The following CLSTN2 variants were observed in gnomAD, a reference collection of about 807,000 sequenced individuals.
The protein encoded by CLSTN2 is calsyntenin-2.
Under a neutral mutation model 101.2 loss-of-function variants are expected in CLSTN2, and 48 were observed. The ratio of observed to expected loss-of-function variants is 0.47; its 90% confidence interval spans 0.38 to 0.60. The LOEUF (loss-of-function observed/expected upper bound fraction) is 0.60. CLSTN2 is among the 20% of genes least tolerant of loss of function. CLSTN2 has a pLI of 0.00. For synonymous variants in CLSTN2, 481 were observed against 463.6 expected, an observed-to-expected ratio of 1.04 and a Z score of -0.48; for missense variants, 1,160 against 1,238.2, an observed-to-expected ratio of 0.94 and a Z score of 0.95.
chr3:140,088,024 G>A (rs892258499), intron 1 of CLSTN2, among the ~76,000 whole-genome samples: 2 of 152,136 alleles, frequency 1.3e-5, no homozygotes, highest in African/African-American at 4.8e-5. Flanking sequence ...ATCTCTGGGG[G>A]CTCAACAGGA....
At chr3:140,140,778 C>T (rs1426932893) in intron 1 of CLSTN2, among the ~76,000 whole-genome samples, 2 of 152,206 alleles carry the variant, frequency 1.3e-5, no homozygotes, top group East Asian at 1.9e-4. Context: ...CAGGATTGAA[C>T]TCAGGACTGC....
intron 1 of CLSTN2, among the ~76,000 whole-genome samples, chr3:140,139,774 C>A (rs1046640583): frequency 6.6e-6 from 1 of 152,210 alleles, no homozygotes; most frequent in Non-Finnish European, 1.5e-5. Context: ...TCTTATTGGA[C>A]TAGATTGAAT....
At chr3:140,411,961 G>GT (rs2088369593) in intron 4 of CLSTN2, among the ~76,000 whole-genome samples, 1 of 152,176 alleles carries the variant, frequency 6.6e-6, no homozygotes. Flanking sequence ...ATGGGCCTAT[G>GT]TTTTTACTGA....
intron 1 of CLSTN2, among the ~76,000 whole-genome samples, chr3:140,006,150 A>G (rs557011308): frequency 2.6e-5 from 4 of 152,220 alleles, no homozygotes; most frequent in South Asian, 4.1e-4. Context: ...TGGAGTTTCC[A>G]TGGGTCCCAC....
intron 1 of CLSTN2, among the ~76,000 whole-genome samples, chr3:140,152,733 C>G (rs2009887034): frequency 6.6e-6 from 1 of 152,168 alleles, no homozygotes; most frequent in Admixed American, 6.5e-5. Flanking sequence ...ACCCCTATCT[C>G]AGGATTAAGT....
intron 1 of CLSTN2, among the ~76,000 whole-genome samples, chr3:139,957,869 G>C (rs1187380364): frequency 6.6e-6 from 1 of 151,886 alleles, no homozygotes; most frequent in Non-Finnish European, 1.5e-5. Flanking sequence ...GGCTGGGCTA[G>C]TGCAGGAAAC....
At chr3:139,973,708 G>T (rs965804375) in intron 1 of CLSTN2, among the ~76,000 whole-genome samples, 1 of 152,028 alleles carries the variant, frequency 6.6e-6, no homozygotes, top group East Asian at 1.9e-4. Flanking sequence ...GTACAATCAC[G>T]GCTCATTGCA....
rs1934998655 is a variant in CLSTN2 at position 139,935,260 on chromosome 3, T to A, written c.-115T>A. On this transcript the variant is annotated 5_prime_UTR_variant, in exon 1 of 17. Transcript: ENST00000458420. The surrounding 1 kb of genome is among the most constrained non-coding windows in gnomAD (Gnocchi z 5.5). ...AGGCCGAGCGCCGCGGCGGCAGCGCTAGAAGCGCACCCATCGGGCACGGCG... is the reference window on the plus strand; with the variant it reads ...AGGCCGAGCGCCGCGGCGGCAGCGCAAGAAGCGCACCCATCGGGCACGGCG... 2.1e-6 allele frequency: 1 copy of A among 470,714 alleles called. No individual in the cohort carries two copies. The allele number at this position is 470,714 out of a possible 1,614,324, so 29.2% of individuals were successfully genotyped here.
At chr3:140,340,452 G>A (rs889638648) in intron 2 of CLSTN2, among the ~76,000 whole-genome samples, 2 of 152,168 alleles carry the variant, frequency 1.3e-5, no homozygotes, top group Non-Finnish European at 1.5e-5. Flanking sequence ...CAAAGAGAGG[G>A]CTATAAACCA....
At chr3:139,954,571 A>G (rs1263454263) in intron 1 of CLSTN2, among the ~76,000 whole-genome samples, 1 of 152,116 alleles carries the variant, frequency 6.6e-6, no homozygotes. Context: ...GACTTGAATT[A>G]AGTTGAGTGC....
intron 2 of CLSTN2, among the ~76,000 whole-genome samples, chr3:140,197,046 A>C (rs1466706276): frequency 6.6e-6 from 1 of 152,252 alleles, no homozygotes. Context: ...GGAAGCTTAA[A>C]GACATGACAA....
At chr3:140,131,279 G>A (rs1250890444) in intron 1 of CLSTN2, among the ~76,000 whole-genome samples, 1 of 145,818 alleles carries the variant, frequency 6.9e-6, no homozygotes, top group Non-Finnish European at 1.5e-5. Context: ...TTTTGAAGAA[G>A]GTTGCAAAGA....
intron 8 of CLSTN2, among the ~76,000 whole-genome samples, chr3:140,496,622 T>A (rs6789331): frequency 0.056 from 8,460 of 152,220 alleles, 763 homozygotes; most frequent in African/African-American, 0.19. Flanking sequence ...GCTCTTAGTA[T>A]TTTTAGTATG....
Position 140,341,108 on chromosome 3 carries a change from C to T in CLSTN2, c.233-62521C>T, listed in dbSNP as rs184192819. Among the ~76,000 whole-genome samples the T allele has an allele frequency of 1.8e-3, 270 of 152,304 alleles. 1 individual carries two copies. Among genetic ancestry groups the T allele is most frequent in the Middle Eastern group, 0.014 (4 of 294 alleles). On this transcript the variant is annotated intron_variant, in intron 2 of 16. Transcript: ENST00000458420. ...AATTACTCTCCCTGACCCTTTTCTT[C>T]CATGTGATACTTTTATTTCCTTTTT...
intron 2 of CLSTN2, among the ~76,000 whole-genome samples, chr3:140,280,311 T>C (rs1039298596): frequency 1.3e-5 from 2 of 152,190 alleles, no homozygotes; most frequent in African/African-American, 4.8e-5. Context: ...TTTCGGATCC[T>C]GGGTCTTTTT....
At chr3:140,353,563 A>G (rs1249606900) in intron 2 of CLSTN2, among the ~76,000 whole-genome samples, 2 of 152,052 alleles carry the variant, frequency 1.3e-5, no homozygotes, top group African/African-American at 4.8e-5. Flanking sequence ...TCCTTTGACA[A>G]CACCCTCACA....
chr3:140,083,507 G>A (rs996770575), intron 1 of CLSTN2, among the ~76,000 whole-genome samples: 1 of 152,238 alleles, frequency 6.6e-6, no homozygotes, highest in African/African-American at 2.4e-5. Flanking sequence ...CGAGCAGCAA[G>A]TTCTGGCAAT....
rs1436512935 is a variant in CLSTN2 at position 140,459,777 on chromosome 3, T to C, written c.1222+8T>C. Reference sequence around the variant, plus strand: ...GCAACTCAGACAAAACCGGTGAGTCTCTAGCCCAGCCCTTCCACCCCTCCT... The same window carrying C: ...GCAACTCAGACAAAACCGGTGAGTCCCTAGCCCAGCCCTTCCACCCCTCCT... On this transcript the variant is annotated splice_region_variant and intron_variant, in intron 7 of 16. Transcript: ENST00000458420. 6 of 1,600,578 alleles carry C rather than the reference T, an allele frequency of 3.7e-6. No individual in the cohort carries two copies. The highest frequency in any genetic ancestry group is 2.2e-5 in the East Asian group (1 of 44,468).
At chr3:140,047,397 T>A (rs985853560) in intron 1 of CLSTN2, among the ~76,000 whole-genome samples, 1 of 152,208 alleles carries the variant, frequency 6.6e-6, no homozygotes, top group Admixed American at 6.5e-5. Flanking sequence ...CTTAACTATC[T>A]GTGTTGGTAT....
Sources: allele counts gnomAD v4.1 joint callset (sites outside exome capture counted in the v4.1 genomes callset), GRCh38; gene constraint gnomAD v4.1.1; non-coding constraint Gnocchi (gnomAD v3.1); transcripts MANE v1.5; gene names NCBI Gene and HGNC (gene_info 2026-07-23, HGNC 2026-07-21).